Variants in CPAMD8 observed in about 807,000 individuals in gnomAD.
CPAMD8 encodes the protein C3 and PZP like alpha-2-macroglobulin domain containing 8.
Under a neutral mutation model 224.7 loss-of-function variants are expected in CPAMD8, and 146 were observed. That is an observed-to-expected ratio of 0.65 (90% CI 0.57 to 0.75). CPAMD8 has a LOEUF of 0.75. CPAMD8 is among the 30% of genes least tolerant of loss of function. The probability of loss-of-function intolerance (pLI) is 0.00; values close to 1 mark genes in which losing one functional copy is unlikely to be tolerated. For synonymous variants in CPAMD8, 966 were observed against 1,044.6 expected (o/e 0.92, Z 1.45); for missense variants, 2,301 against 2,537.5 (o/e 0.91, Z 2.00).
chr19:16,993,450 G>A lies in CPAMD8; in HGVS notation c.1232C>T (p.Ser411Phe), dbSNP rs1599865234. 14 of 1,613,856 alleles carry A rather than the reference G, an allele frequency of 8.7e-6. No homozygotes were observed. The highest frequency in any genetic ancestry group is 1.2e-5 in the Non-Finnish European group (14 of 1,179,800). The stretch of plus-strand genomic sequence containing the variant: ...CACGTGCTGGGCTGACGTGGGGATG[G>A]AGGGGATTTCAAACCCCACTAGTCC... Reference protein sequence around the residue: ...QRGLVGFEIPSIPTSAQHVWL... With the variant: ...QRGLVGFEIPFIPTSAQHVWL... The change falls in exon 12 of 42, where the codon TCC becomes TTC. Residue 411 changes from serine (S) to phenylalanine (F), a missense_variant. Coordinates refer to ENST00000443236, the MANE Select transcript of CPAMD8 (RefSeq NM_015692.5).
chr19:16,980,552 C>G lies in CPAMD8; in HGVS notation c.1530G>C (p.Lys510Asn), dbSNP rs757779119. The G allele has an allele frequency of 3.1e-6, 5 of 1,614,076 alleles. No homozygotes were observed. The highest frequency in any genetic ancestry group is 3.4e-6 in the Non-Finnish European group (4 of 1,179,988). ...GTTTCTCCAGGGCAGGGGCCGCCCGCTTGCTTCGCTGCTGGGTGGTGTGGG... is the reference window on the plus strand; with the variant it reads ...GTTTCTCCAGGGCAGGGGCCGCCCGGTTGCTTCGCTGCTGGGTGGTGTGGG... ...QPAHTTQQRS[K>N]RAAPALEKPI... Residue 510 changes from lysine to asparagine, a missense_variant, in exon 14 of 42, where the codon AAG becomes AAC. Physicochemically the swap from Lys to Asn is moderately conservative, Grantham distance 94 (BLOSUM62 0). Transcript: ENST00000443236.
At chr19:16,959,060 A>G (rs1395116431) in intron 18 of CPAMD8, among the ~76,000 whole-genome samples, 1 of 151,754 alleles carries the variant, frequency 6.6e-6, no homozygotes, top group African/African-American at 2.4e-5. Flanking sequence ...CGGCCTCCCA[A>G]AGTTCTGGAA....
At chr19:16,958,447 G>T (rs1282102870) in intron 18 of CPAMD8, among the ~76,000 whole-genome samples, 9 of 152,164 alleles carry the variant, frequency 5.9e-5, no homozygotes. Context: ...CAAAAGACAT[G>T]ATTTTGTTCT....
At position 16,893,149 on chromosome 19, in the gene CPAMD8, C is replaced by G; in HGVS notation, c.5617G>C (p.Glu1873Gln). 6.4e-7 allele frequency: 1 copy of G among 1,570,584 alleles called. No individual in the cohort carries two copies. The highest frequency in any genetic ancestry group is 8.8e-7 in the Non-Finnish European group (1 of 1,142,198). ...VYSPAFQSGG[E>Q]EGLWMSNTCT... ...GTGTTTGACATCCATAAACCCTCCT[C>G]CCCACCACTCTGAAAGGCTGGGCTG... Residue 1873 changes from glutamate to glutamine, a missense_variant, in exon 42 of 42, where the codon GAG becomes CAG. Physicochemically the swap from Glu to Gln is conservative, Grantham distance 29. Transcript: ENST00000443236.
In CPAMD8 at chr19:16,947,168, G is replaced by A; in HGVS notation, c.2568C>T (p.Arg856=). The change falls in exon 21 of 42, where the codon CGC becomes CGT. Residue 856 remains arginine, a synonymous_variant. Coordinates refer to ENST00000443236, the MANE Select transcript of CPAMD8 (RefSeq NM_015692.5). ...CCACACACATCTTCTTGGTCACATG[G>A]CGTTTGCCAGGATGCCCAACAAACT... ...GIQFVGHPGK[R]HVTKKMCVAP... is the part of the protein sequence containing the mutation. The A allele has an allele frequency of 6.2e-7, 1 of 1,613,840 alleles. No individual in the cohort carries two copies. Among genetic ancestry groups the A allele is most frequent in the Non-Finnish European group, 8.5e-7 (1 of 1,179,832 alleles).
At position 16,914,409 on chromosome 19, in the gene CPAMD8, C is replaced by A; in HGVS notation, c.3861+15G>T. 3 of 1,613,164 alleles carry A rather than the reference C, an allele frequency of 1.9e-6. No homozygotes were observed. Among genetic ancestry groups the A allele is most frequent in the Non-Finnish European group, 2.5e-6 (3 of 1,179,140 alleles). ...TGCCCAGCCCCGAGTCTCCCCAAAC[C>A]CCTTCTGTACTCACCTCTGAGGCTG... is the stretch of plus-strand genomic sequence containing the variant. On this transcript the variant is annotated intron_variant, in intron 29 of 41. Coordinates refer to ENST00000443236, the MANE Select transcript of CPAMD8 (RefSeq NM_015692.5).
At chr19:16,906,400 T>TTCTTTCTTTCTTTCTC (rs2052512398) in intron 30 of CPAMD8, among the ~76,000 whole-genome samples, 1 of 94,964 alleles carries the variant, frequency 1.1e-5, no homozygotes, top group African/African-American at 4.4e-5. Context: ...CTTTCTTTCT[T>TTCTTTCTTTCTTTCTC]TCTTTCTTTC....
chr19:16,902,564 A>G, intron 35 of CPAMD8, 85 bp downstream of exon 35: 1 of 775,388 alleles, frequency 1.3e-6, no homozygotes, highest in Non-Finnish European at 2.1e-6. Flanking sequence ...CTGGAGCCGG[A>G]AGCTCCTCCT....
chr19:16,907,199 C>T (rs562951180), intron 29 of CPAMD8, 82 bp from the exon 30 acceptor site: 15 of 1,425,456 alleles, frequency 1.1e-5, no homozygotes, highest in South Asian at 7.6e-5. Flanking sequence ...GAGGCATCCC[C>T]GAGGAGAGCT....
chr19:16,944,427 C>T (rs1314613253), intron 22 of CPAMD8, among the ~76,000 whole-genome samples: 4 of 152,282 alleles, frequency 2.6e-5, no homozygotes, highest in Admixed American at 2.6e-4. Flanking sequence ...GAAGGAGACC[C>T]TCAAGAGTCC....
chr19:17,025,368 T>C (rs765359366), intron 1 of CPAMD8, among the ~76,000 whole-genome samples: 1 of 152,262 alleles, frequency 6.6e-6, no homozygotes, highest in East Asian at 1.9e-4. Flanking sequence ...GCCAAGATCG[T>C]GCCATTGCAC....
chr19:16,977,635 T>C (rs2122724842), intron 14 of CPAMD8, 95 bp from the exon 15 acceptor site: 1 of 895,076 alleles, frequency 1.1e-6, no homozygotes, highest in Non-Finnish European at 1.7e-6. Flanking sequence ...CCCTGCGCTA[T>C]GCTCCTGTCT....
intron 27 of CPAMD8, among the ~76,000 whole-genome samples, chr19:16,920,493 A>C (rs1228940339): frequency 6.6e-6 from 1 of 151,478 alleles, no homozygotes; most frequent in Non-Finnish European, 1.5e-5. Flanking sequence ...AAAAACAAAA[A>C]GGAAATTTGA....
At chr19:16,993,355 G>T (rs560294013) in intron 12 of CPAMD8, 61 bp downstream of exon 12, 1 of 1,465,152 alleles carries the variant, frequency 6.8e-7, no homozygotes, top group Non-Finnish European at 9.4e-7. Flanking sequence ...CACCCAGCCT[G>T]GGGGAGGCCC....
rs1215705416 is a variant in CPAMD8 at position 16,907,132 on chromosome 19, G to T, written c.3862-15C>A. The T allele has an allele frequency of 2.6e-5, 40 of 1,533,422 alleles. No homozygotes were observed. The highest frequency in any genetic ancestry group is 3.5e-5 in the Non-Finnish European group (40 of 1,140,764). The allele number at this position is 1,533,422 out of a possible 1,614,324, so 95.0% of individuals were successfully genotyped here. ...CCTCTCTCCTCCTGCAGGGTGGGGT[G>T]GGAAGGTGAAACCTGGGAGGCTGCT... On this transcript the variant is annotated splice_polypyrimidine_tract_variant and intron_variant, in intron 29 of 41. Transcript: ENST00000443236.
chr19:17,002,987 T>C (rs1026973930), intron 8 of CPAMD8, among the ~76,000 whole-genome samples: 55 of 148,756 alleles, frequency 3.7e-4, no homozygotes, highest in African/African-American at 1.3e-3. Flanking sequence ...CACTGCAACC[T>C]CCTCCTCCTG....
chr19:16,960,227 G>C (rs181217798), intron 18 of CPAMD8, among the ~76,000 whole-genome samples: 12 of 151,302 alleles, frequency 7.9e-5, no homozygotes, highest in East Asian at 5.8e-4. Context: ...AAAAAAAAAG[G>C]CTTTCTCAAA....
intron 17 of CPAMD8, among the ~76,000 whole-genome samples, chr19:16,971,413 C>A (rs1414412837): frequency 1.3e-5 from 2 of 152,076 alleles, no homozygotes. Flanking sequence ...GAACGTGGGA[C>A]CCAGTGACCA....
chr19:17,002,906 TTTTC>T (rs1164116068), intron 8 of CPAMD8, among the ~76,000 whole-genome samples: 17 of 59,964 alleles, frequency 2.8e-4, no homozygotes, highest in African/African-American at 8.7e-4. Context: ...TTTTCTTTTC[TTTTC>T]TTTTTTTTTT....
Sources: allele counts gnomAD v4.1 joint callset (sites outside exome capture counted in the v4.1 genomes callset), GRCh38; gene constraint gnomAD v4.1.1; transcripts MANE v1.5; gene names NCBI Gene and HGNC (gene_info 2026-07-23, HGNC 2026-07-21).